The following SLC9C1 variants were observed in gnomAD, a reference collection of about 807,000 sequenced individuals.
SLC9C1 encodes the protein sodium/hydrogen exchanger 10.
In SLC9C1, 97 loss-of-function variants were observed where a neutral mutation model predicts 140.9. The observed-to-expected ratio is 0.69, with a 90% confidence interval of 0.58 to 0.82. The LOEUF is 0.82. Among genes scored for constraint, SLC9C1 ranks in the 40% least tolerant of loss-of-function variants. SLC9C1 has a pLI of 0.00. For missense variants in SLC9C1, 1,340 were observed against 1,389.3 expected, an observed-to-expected ratio of 0.96 and a Z score of 0.56; for synonymous variants, 440 against 442.6, an observed-to-expected ratio of 0.99 and a Z score of 0.07.
intron 20 of SLC9C1, among the ~76,000 whole-genome samples, chr3:112,189,008 A>G (rs1434905892): frequency 1.3e-5 from 2 of 152,112 alleles, no homozygotes; most frequent in Non-Finnish European, 2.9e-5. Flanking sequence ...TTTTTCATGT[A>G]TCTGTTGGCT....
intron 12 of SLC9C1, among the ~76,000 whole-genome samples, chr3:112,234,107 AG>A (rs1328363711): frequency 6.6e-6 from 1 of 152,140 alleles, no homozygotes; most frequent in African/African-American, 2.4e-5. Context: ...ACAGTGTAAA[AG>A]TGCTCCTATT....
chr3:112,225,375 A>G (rs2078654691), intron 13 of SLC9C1, among the ~76,000 whole-genome samples: 6 of 152,198 alleles, frequency 3.9e-5, no homozygotes, highest in Admixed American at 3.9e-4. Context: ...AATGCTTAAA[A>G]GTCCAATATC....
At position 112,204,393 on chromosome 3, in the gene SLC9C1, A is replaced by G; in HGVS notation, c.1997T>C (p.Met666Thr). ...ILEALLKIAA[M>T]RKDFFSHAWN... is the part of the protein sequence containing the mutation. ...GGCATGTGAAAAAAAGTCCTTCCTC[A>G]TTGCTGCTATCTGTTGATTTAAAAG... The change falls in exon 17 of 29, where the codon ATG becomes ACG. Residue 666 changes from methionine (M) to threonine (T), a missense_variant. Transcript: ENST00000305815. 1.3e-6 allele frequency: 2 copies of G among 1,567,360 alleles called. No homozygotes were observed. Among genetic ancestry groups the G allele is most frequent in the Non-Finnish European group, 1.7e-6 (2 of 1,164,566 alleles).
intron 10 of SLC9C1, among the ~76,000 whole-genome samples, chr3:112,246,443 C>T (rs765440436): frequency 6.6e-6 from 1 of 152,054 alleles, no homozygotes; most frequent in Non-Finnish European, 1.5e-5. Flanking sequence ...TTAGTATTAG[C>T]CTCTTGGTAA....
intron 10 of SLC9C1, among the ~76,000 whole-genome samples, chr3:112,252,915 C>A (rs2079503754): frequency 6.6e-6 from 1 of 152,202 alleles, no homozygotes; most frequent in African/African-American, 2.4e-5. Flanking sequence ...AATGTCTGTA[C>A]CTCCCTGGGT....
In SLC9C1 at chr3:112,204,209, G is replaced by C. The variant is rs770925414; in HGVS notation, c.2172+9C>G. The C allele has an allele frequency of 2.7e-6, 4 of 1,469,906 alleles. No individual in the cohort carries two copies. The Admixed American group carries it at 1.1e-4, about 41-fold the overall frequency. The allele number at this position is 1,469,906 out of a possible 1,614,324, so 91.1% of individuals were successfully genotyped here. A position where few individuals can be genotyped will look rare whatever the true frequency, so the allele number is the denominator to read the frequency against. ...GAATTAGAAATTGCACGATTTACTG[G>C]TTCTTTACCTTGAAAATGCGTAGTA... On this transcript the variant is annotated intron_variant, in intron 17 of 28. Coordinates refer to ENST00000305815, the MANE Select transcript of SLC9C1 (RefSeq NM_183061.3).
At chr3:112,234,553 A>T (rs1381880759) in intron 12 of SLC9C1, among the ~76,000 whole-genome samples, 1 of 152,152 alleles carries the variant, frequency 6.6e-6, no homozygotes, top group Admixed American at 6.5e-5. Flanking sequence ...GTCCTTGCCC[A>T]TGCCTATGTC....
At chr3:112,171,884 A>C (rs74803364) in intron 23 of SLC9C1, among the ~76,000 whole-genome samples, 1,526 of 152,238 alleles carry the variant, frequency 0.01, 25 homozygotes, top group African/African-American at 0.034. Flanking sequence ...CCATTGAGAT[A>C]ATTTGATCCT....
intron 23 of SLC9C1, among the ~76,000 whole-genome samples, chr3:112,175,534 G>A (rs1012038125): frequency 2.0e-5 from 3 of 152,182 alleles, no homozygotes; most frequent in African/African-American, 7.2e-5. Context: ...TTCAAAGCCC[G>A]AAGGCAAGAA....
chr3:112,274,564 A>T (rs1465085578), intron 6 of SLC9C1, among the ~76,000 whole-genome samples: 1 of 152,106 alleles, frequency 6.6e-6, no homozygotes, highest in East Asian at 1.9e-4. Flanking sequence ...CTACTAGTGG[A>T]TGCACTATTT....
chr3:112,237,149 C>A (rs1165398905), intron 12 of SLC9C1, among the ~76,000 whole-genome samples: 1 of 152,110 alleles, frequency 6.6e-6, no homozygotes, highest in African/African-American at 2.4e-5. Context: ...CTAGGTGCTC[C>A]TGTATTGGGT....
Position 112,141,278 on chromosome 3 carries a change from T to C in SLC9C1, c.3528A>G (p.Lys1176=), listed in dbSNP as rs971866837. ...TTCGGTCTTCTTAACAGTCTTACTC[T>C]TTCCTAATAGAAGCGGAAAGAAAAA... The part of the protein sequence containing the change: ...SPRINLRKVR[K]E The change falls in exon 29 of 29, where the codon AAA becomes AAG. Residue 1176 remains lysine (K), a synonymous_variant. Transcript: ENST00000305815. The C allele has an allele frequency of 6.3e-7, 1 of 1,584,134 alleles. No homozygotes were observed. Among genetic ancestry groups the C allele is most frequent in the Non-Finnish European group, 8.6e-7 (1 of 1,167,108 alleles).
intron 28 of SLC9C1, among the ~76,000 whole-genome samples, chr3:112,145,589 CTTTTTTT>C (rs61547345): frequency 7.1e-5 from 2 of 28,244 alleles, no homozygotes; most frequent in Non-Finnish European, 1.2e-4. Flanking sequence ...CTGCCCTTGG[CTTTTTTT>C]TTTTTTTTTT....
intron 5 of SLC9C1, among the ~76,000 whole-genome samples, chr3:112,276,387 T>A (rs75138413): frequency 0.013 from 1,627 of 128,946 alleles, 23 homozygotes; most frequent in African/African-American, 0.035. Flanking sequence ...TATGAAAAAA[T>A]ATATATATAT....
intron 23 of SLC9C1, among the ~76,000 whole-genome samples, chr3:112,178,581 T>C (rs1244950538): frequency 1.3e-5 from 2 of 152,248 alleles, no homozygotes; most frequent in African/African-American, 4.8e-5. Flanking sequence ...ATTCAATCTA[T>C]AGACTTGAAG....
chr3:112,250,592 C>G (rs1469556318), intron 10 of SLC9C1, among the ~76,000 whole-genome samples: 2 of 152,006 alleles, frequency 1.3e-5, no homozygotes, highest in Non-Finnish European at 2.9e-5. Flanking sequence ...TATGGTTTTT[C>G]ACAACTCAAA....
chr3:112,225,298 A>G (rs1422081323), intron 13 of SLC9C1, among the ~76,000 whole-genome samples: 2 of 152,194 alleles, frequency 1.3e-5, no homozygotes, highest in East Asian at 3.8e-4. Flanking sequence ...TATCCTTCAG[A>G]AATCAAGTGT....
intron 11 of SLC9C1, among the ~76,000 whole-genome samples, chr3:112,240,822 A>G (rs968154388): frequency 1.3e-5 from 2 of 152,200 alleles, no homozygotes; most frequent in Admixed American, 6.5e-5. Flanking sequence ...GAAATTTAGC[A>G]CCTGTTGTGT....
intron 18 of SLC9C1, among the ~76,000 whole-genome samples, chr3:112,201,022 G>A (rs2077893207): frequency 6.6e-6 from 1 of 151,986 alleles, no homozygotes; most frequent in African/African-American, 2.4e-5. Context: ...TGCAGGCATG[G>A]TATTAATTCC....
Sources: gnomAD v4.1 joint callset for allele counts (sites outside exome capture counted in the v4.1 genomes callset) on GRCh38, gnomAD v4.1.1 for gene constraint, MANE v1.5 for transcripts, NCBI Gene and HGNC (gene_info 2026-07-23, HGNC 2026-07-21) for gene names.